Variants in PRKAR1B observed in about 807,000 individuals in gnomAD.
PRKAR1B encodes protein kinase cAMP-dependent type I regulatory subunit beta.
In PRKAR1B, 22 loss-of-function variants were observed where a neutral mutation model predicts 46.5. The ratio of observed to expected loss-of-function variants is 0.47; its 90% CI spans 0.34 to 0.68. The LOEUF is 0.68. Among genes scored for constraint, PRKAR1B ranks in the 30% least tolerant of loss-of-function variants. The pLI is 0.01. For synonymous variants in PRKAR1B, 259 were observed against 217.7 expected (o/e 1.19, Z -1.67); for missense variants, 445 against 535.6 (o/e 0.83, Z 1.67).
intron 8 of PRKAR1B, among the ~76,000 whole-genome samples, chr7:584,192 A>C (rs559006408): frequency 1.3e-5 from 2 of 152,280 alleles, no homozygotes; most frequent in South Asian, 2.1e-4. Context: ...ACTGGTGTGG[A>C]GGGAAGGCTG....
chr7:678,996 G>T (rs1376355950), intron 3 of PRKAR1B, among the ~76,000 whole-genome samples: 1 of 152,220 alleles, frequency 6.6e-6, no homozygotes, highest in African/African-American at 2.4e-5. Flanking sequence ...GCTGAGACAG[G>T]AGAATCACAG....
intron 7 of PRKAR1B, among the ~76,000 whole-genome samples, chr7:594,552 C>T (rs904650497): frequency 2.0e-5 from 3 of 152,058 alleles, no homozygotes; most frequent in East Asian, 3.9e-4. Flanking sequence ...AAACCACAGG[C>T]GCTGGCTCCT....
chr7:587,524 T>C (rs991890569), intron 7 of PRKAR1B, among the ~76,000 whole-genome samples: 10 of 152,180 alleles, frequency 6.6e-5, no homozygotes, highest in African/African-American at 2.4e-4. Context: ...CCCTCTCCTA[T>C]CTCTCAATGC....
chr7:583,436 A>ACTCT (rs1780339897), intron 8 of PRKAR1B, among the ~76,000 whole-genome samples: 1 of 51,340 alleles, frequency 1.9e-5, no homozygotes, highest in Admixed American at 1.6e-4. Context: ...GCACACACCC[A>ACTCT]CAGTGCACAC....
intron 2 of PRKAR1B, chr7:691,653 C>T (rs1048752973): frequency 7.7e-7 from 1 of 1,298,946 alleles, no homozygotes; most frequent in South Asian, 1.2e-5. Context: ...GCCCAGGTCT[C>T]CAGGGAGCTG....
intron 7 of PRKAR1B, among the ~76,000 whole-genome samples, chr7:585,464 A>C (rs1220284482): frequency 6.6e-6 from 1 of 152,192 alleles, no homozygotes; most frequent in East Asian, 1.9e-4. Context: ...ACTTTGCTAA[A>C]ATTCAAATGG....
chr7:579,210 T>C (rs1271888517), intron 9 of PRKAR1B, 46 bp downstream of exon 9: 8 of 1,613,322 alleles, frequency 5.0e-6, no homozygotes, highest in Non-Finnish European at 5.9e-6. Flanking sequence ...GAAGTGCCCC[T>C]GCCCCAGTGC....
intron 3 of PRKAR1B, among the ~76,000 whole-genome samples, chr7:677,829 C>G (rs1382412346): frequency 1.3e-5 from 2 of 152,170 alleles, no homozygotes; most frequent in Admixed American, 1.3e-4. Context: ...CATCACAGAG[C>G]AACAGACACA....
At chr7:621,229 C>T (rs1471145939) in intron 4 of PRKAR1B, among the ~76,000 whole-genome samples, 1 of 152,218 alleles carries the variant, frequency 6.6e-6, no homozygotes, top group Non-Finnish European at 1.5e-5. Flanking sequence ...TTTGAAAGAA[C>T]TCAACCAGTG....
chr7:584,597 A>G (rs1394151750), intron 7 of PRKAR1B, 29 bp from the exon 8 acceptor site: 1 of 1,583,332 alleles, frequency 6.3e-7, no homozygotes, highest in Admixed American at 1.7e-5. Flanking sequence ...AAAACAGACA[A>G]GAAGGTGAAT....
chr7:682,000 C>T (rs1004356053), intron 2 of PRKAR1B, among the ~76,000 whole-genome samples: 4 of 152,010 alleles, frequency 2.6e-5, no homozygotes, highest in Non-Finnish European at 5.9e-5. Context: ...TTTCTCACTG[C>T]AATTCTGCCT....
chr7:619,198 G>A (rs1275398386), intron 4 of PRKAR1B, among the ~76,000 whole-genome samples: 1 of 152,178 alleles, frequency 6.6e-6, no homozygotes, highest in Non-Finnish European at 1.5e-5. Context: ...ACAGCAGGGA[G>A]GCAACACGGC....
chr7:585,604 G>A (rs1780552135), intron 7 of PRKAR1B, among the ~76,000 whole-genome samples: 1 of 152,122 alleles, frequency 6.6e-6, no homozygotes. Context: ...TGTGGAGAAA[G>A]GAGGGAGGAG....
At chr7:652,447 C>T (rs898394933) in intron 4 of PRKAR1B, among the ~76,000 whole-genome samples, 2 of 150,036 alleles carry the variant, frequency 1.3e-5, no homozygotes, top group Non-Finnish European at 3.0e-5. Context: ...CAGTTCACAC[C>T]CACGCAGCGC....
intron 9 of PRKAR1B, among the ~76,000 whole-genome samples, chr7:556,179 C>G (rs1420476786): frequency 1.3e-5 from 2 of 152,162 alleles, no homozygotes; most frequent in African/African-American, 4.8e-5. Flanking sequence ...AGCCCCTGAC[C>G]AGAACACAGC....
intron 2 of PRKAR1B, among the ~76,000 whole-genome samples, chr7:703,916 T>C (rs1287650967): frequency 6.6e-6 from 1 of 151,922 alleles, no homozygotes; most frequent in Non-Finnish European, 1.5e-5. Context: ...CAGAGAGATA[T>C]CAAAAAAATC....
intron 2 of PRKAR1B, among the ~76,000 whole-genome samples, chr7:684,128 GTGC>G (rs1206753513): frequency 2.0e-5 from 3 of 147,722 alleles, no homozygotes; most frequent in Admixed American, 2.0e-4. Flanking sequence ...CTCTACGTGT[GTGC>G]TGATGCCCAC....
chr7:582,157 C>G (rs1363811466), intron 8 of PRKAR1B, among the ~76,000 whole-genome samples: 1 of 128,964 alleles, frequency 7.8e-6, no homozygotes, highest in South Asian at 2.2e-4. Flanking sequence ...CTGCGTGCAC[C>G]TGCCCAGGGG....
intron 4 of PRKAR1B, 119 bp downstream of exon 4, chr7:677,110 C>T: frequency 1.0e-6 from 1 of 969,578 alleles, no homozygotes; most frequent in South Asian, 1.4e-5. Flanking sequence ...CGGGGGCTGC[C>T]CACCTCCTGG....
Sources: gnomAD v4.1 joint callset for allele counts (sites outside exome capture counted in the v4.1 genomes callset) on GRCh38, gnomAD v4.1.1 for gene constraint, MANE v1.5 for transcripts, NCBI Gene and HGNC (gene_info 2026-07-23, HGNC 2026-07-21) for gene names.